R3HCC1L: variants seen among roughly 807,000 people sequenced by gnomAD.
R3HCC1L encodes R3H domain and coiled-coil containing 1 like, also known as coiled-coil domain-containing protein R3HCC1L.
In R3HCC1L, 51 loss-of-function variants were observed where a neutral mutation model predicts 59.9. The ratio of observed to expected loss-of-function variants is 0.85; its 90% CI spans 0.68 to 1.07. The LOEUF (loss-of-function observed/expected upper bound fraction) is 1.07. Among genes scored for constraint, R3HCC1L ranks in the 50% least tolerant of loss-of-function variants. The pLI, the probability that R3HCC1L is intolerant of heterozygous loss-of-function variation, is 0.00. For missense variants in R3HCC1L, 965 were observed against 933.0 expected (o/e 1.03, Z -0.45); for synonymous variants, 322 against 315.2 (o/e 1.02, Z -0.23).
chr10:98,188,031 A>C (rs1016919616), intron 4 of R3HCC1L, among the ~76,000 whole-genome samples: 2 of 152,066 alleles, frequency 1.3e-5, no homozygotes, highest in Non-Finnish European at 2.9e-5. Context: ...GGCAGGACCC[A>C]TTATACTTGG....
At chr10:98,235,987 T>C (rs374836591) in intron 8 of R3HCC1L, 37 bp from the exon 9 acceptor site, 22 of 1,593,498 alleles carry the variant, frequency 1.4e-5, no homozygotes, top group Non-Finnish European at 1.9e-5. Context: ...CTCTCTCTTC[T>C]TGACTCCTTC....
chr10:98,221,241 G>A (rs1854902807), intron 5 of R3HCC1L, among the ~76,000 whole-genome samples: 1 of 151,764 alleles, frequency 6.6e-6, no homozygotes, highest in African/African-American at 2.4e-5. Context: ...TTTTTTTCTT[G>A]TAAATTTGTT....
intron 1 of R3HCC1L, among the ~76,000 whole-genome samples, chr10:98,153,609 TA>T (rs1160637755): frequency 0.069 from 5,631 of 81,022 alleles, 331 homozygotes; most frequent in African/African-American, 0.21. Flanking sequence ...AATGATCAAT[TA>T]AAAAAAAAAA....
intron 1 of R3HCC1L, among the ~76,000 whole-genome samples, chr10:98,150,981 A>C (rs1303742387): frequency 2.0e-5 from 3 of 151,742 alleles, no homozygotes; most frequent in Admixed American, 2.0e-4. Context: ...AGTCGGGGGG[A>C]AATTTTCTGC....
chr10:98,208,215 G>A lies in R3HCC1L; in HGVS notation c.101G>A (p.Gly34Asp), dbSNP rs749930292. 1.2e-6 allele frequency: 2 copies of A among 1,614,080 alleles called. No homozygotes were observed. Among genetic ancestry groups the A allele is most frequent in the South Asian group, 2.2e-5 (2 of 91,080 alleles). ...ARRGAVLLKT[G>D]DEEESCGSPN... ...AGGGGTGCAGTACTCCTTAAGACAG[G>A]TGATGAAGAAGAAAGCTGTGGTTCA... The change falls in exon 5 of 10, where the codon GGT (glycine) becomes GAT (aspartate). Residue 34 changes from glycine to aspartate, a missense_variant. Gly to Asp is a moderately conservative substitution (Grantham distance 94, BLOSUM62 -1). Transcript: ENST00000298999.
intron 4 of R3HCC1L, among the ~76,000 whole-genome samples, chr10:98,179,277 T>C (rs1166667575): frequency 1.3e-5 from 2 of 152,238 alleles, no homozygotes; most frequent in Non-Finnish European, 2.9e-5. Context: ...CATGAAAGGT[T>C]GTTGAATTTT....
At chr10:98,202,482 T>A (rs1193025994) in intron 4 of R3HCC1L, among the ~76,000 whole-genome samples, 2 of 152,130 alleles carry the variant, frequency 1.3e-5, no homozygotes, top group African/African-American at 2.4e-5. Context: ...CATGAAGTGT[T>A]CTGGCTGAAA....
In R3HCC1L at chr10:98,229,858, G is replaced by C. The variant is rs557530999; in HGVS notation, c.1786-1654G>C. The stretch of plus-strand genomic sequence containing the variant: ...GATAATCATGTAGTTTTTGTTGTTG[G>C]TTCTGTTTATATGCTGGATTACATT... On this transcript the variant is annotated intron_variant, in intron 5 of 9. Transcript: ENST00000298999. Among the ~76,000 whole-genome samples the C allele has an allele frequency of 2.0e-3, 303 of 152,212 alleles. 4 individuals are homozygous for C. The highest frequency in any genetic ancestry group is 0.01 in the Middle Eastern group (3 of 294).
At chr10:98,180,566 A>C (rs1180363420) in intron 4 of R3HCC1L, among the ~76,000 whole-genome samples, 2 of 152,152 alleles carry the variant, frequency 1.3e-5, no homozygotes, top group Non-Finnish European at 2.9e-5. Flanking sequence ...AGTTCTGTAG[A>C]TGTCTATTAG....
intron 4 of R3HCC1L, among the ~76,000 whole-genome samples, chr10:98,202,192 A>T (rs1459117318): frequency 6.6e-6 from 1 of 152,204 alleles, no homozygotes; most frequent in African/African-American, 2.4e-5. Context: ...TCAAGTTGGA[A>T]AATCATCTGT....
intron 1 of R3HCC1L, among the ~76,000 whole-genome samples, chr10:98,135,390 T>C (rs1844461136): frequency 6.6e-6 from 1 of 152,184 alleles, no homozygotes; most frequent in South Asian, 2.1e-4. Flanking sequence ...CTCGGTTTCG[T>C]TGTCTGAAAA....
At position 98,211,315 on chromosome 10, in the gene R3HCC1L, G is replaced by C. The variant is rs781212052; in HGVS notation, c.1785+1416G>C. On this transcript the variant is annotated intron_variant, in intron 5 of 9. Coordinates refer to ENST00000298999, the MANE Select transcript of R3HCC1L (RefSeq NM_001351015.2). Reference sequence around the variant, plus strand: ...ATTTACAACTTTTTCAGGGGATTCTGATGCACATAAAGCCCGAGAACCACT... The same window carrying C: ...ATTTACAACTTTTTCAGGGGATTCTCATGCACATAAAGCCCGAGAACCACT... 4 of 1,522,554 alleles carry C rather than the reference G, an allele frequency of 2.6e-6. No individual in the cohort carries two copies. The South Asian group carries it at 4.8e-5, about 18-fold the overall frequency. 94.3% of individuals were successfully genotyped at this position (1,522,554 alleles called of 1,614,324 possible).
At chr10:98,222,805 GA>G (rs1855186124) in intron 5 of R3HCC1L, among the ~76,000 whole-genome samples, 2 of 151,200 alleles carry the variant, frequency 1.3e-5, no homozygotes, top group East Asian at 1.9e-4. Flanking sequence ...GACTAATAAA[GA>G]AAAAAAGAGA....
intron 5 of R3HCC1L, among the ~76,000 whole-genome samples, chr10:98,230,634 G>T (rs1405252321): frequency 6.6e-6 from 1 of 152,022 alleles, no homozygotes; most frequent in Non-Finnish European, 1.5e-5. Flanking sequence ...GAATGTGTTT[G>T]TTCTTGCTTC....
chr10:98,219,906 A>G (rs1216658140), intron 5 of R3HCC1L, among the ~76,000 whole-genome samples: 1 of 152,092 alleles, frequency 6.6e-6, no homozygotes, highest in Non-Finnish European at 1.5e-5. Flanking sequence ...AGCTTCCTAT[A>G]TTTGGATGTC....
At chr10:98,135,079 A>G (rs930311473) in intron 1 of R3HCC1L, among the ~76,000 whole-genome samples, 3 of 152,172 alleles carry the variant, frequency 2.0e-5, no homozygotes, top group Admixed American at 6.5e-5. Context: ...GTGGGCCCCC[A>G]GGGCTGCCGG....
chr10:98,170,865 G>C (rs1848447841), intron 4 of R3HCC1L, among the ~76,000 whole-genome samples: 1 of 152,190 alleles, frequency 6.6e-6, no homozygotes, highest in Admixed American at 6.5e-5. Flanking sequence ...AAAACTTTCT[G>C]GGTAGGGCTG....
chr10:98,168,086 A>G (rs189985590), intron 4 of R3HCC1L, among the ~76,000 whole-genome samples: 1 of 152,340 alleles, frequency 6.6e-6, no homozygotes, highest in Admixed American at 6.5e-5. Context: ...GAAGCAGACC[A>G]ACCTCCAGAT....
At chr10:98,192,911 C>T (rs779740921) in intron 4 of R3HCC1L, among the ~76,000 whole-genome samples, 2 of 152,052 alleles carry the variant, frequency 1.3e-5, no homozygotes, top group Non-Finnish European at 2.9e-5. Context: ...TTCAATAAGA[C>T]ATTAAAAGGA....
Sources: gnomAD v4.1 joint callset for allele counts (sites outside exome capture counted in the v4.1 genomes callset) on GRCh38, gnomAD v4.1.1 for gene constraint, MANE v1.5 for transcripts, NCBI Gene and HGNC (gene_info 2026-07-23, HGNC 2026-07-21) for gene names.